The following SOX5 variants were observed in gnomAD, a reference collection of about 807,000 sequenced individuals.
The protein encoded by SOX5 is transcription factor SOX-5.
In SOX5, 9 loss-of-function variants were observed where a neutral mutation model predicts 92.0. The observed-to-expected ratio is 0.10, with a 90% CI of 0.06 to 0.17. The LOEUF (loss-of-function observed/expected upper bound fraction) is 0.17. SOX5 is among the 10% of genes least tolerant of loss of function. The pLI is 1.00. For missense variants in SOX5, 642 were observed against 944.5 expected (o/e 0.68, Z 4.20); for synonymous variants, 344 against 336.3 (o/e 1.02, Z -0.25).
chr12:24,025,355 A>T (rs1463230316), intron 4 of SOX5, among the ~76,000 whole-genome samples: 1 of 152,072 alleles, frequency 6.6e-6, no homozygotes, highest in Non-Finnish European at 1.5e-5. Flanking sequence ...AAACTCATGC[A>T]AAAGGTTTGA....
chr12:24,128,408 T>A (rs1949320055), intron 4 of SOX5, among the ~76,000 whole-genome samples: 1 of 152,108 alleles, frequency 6.6e-6, no homozygotes, highest in African/African-American at 2.4e-5. Flanking sequence ...ACAGTCAAAA[T>A]GATACCAAAT....
chr12:24,172,514 G>T (rs1288978628), intron 4 of SOX5, among the ~76,000 whole-genome samples: 1 of 152,052 alleles, frequency 6.6e-6, no homozygotes, highest in Admixed American at 6.6e-5. Flanking sequence ...ACTCCAGCCT[G>T]GGTGACAGAG....
intron 3 of SOX5, among the ~76,000 whole-genome samples, chr12:23,768,897 C>T (rs184798412): frequency 4.5e-4 from 68 of 152,142 alleles, no homozygotes; most frequent in Admixed American, 3.6e-3. Flanking sequence ...GAAACAAAAA[C>T]GCTATTGTTC....
chr12:24,131,577 T>A (rs1008513862), intron 4 of SOX5, among the ~76,000 whole-genome samples: 2 of 152,206 alleles, frequency 1.3e-5, no homozygotes, highest in Non-Finnish European at 2.9e-5. Flanking sequence ...ACTTTAAATA[T>A]GCAGCATTAA....
chr12:24,159,954 TC>T (rs1193667743), intron 4 of SOX5, among the ~76,000 whole-genome samples: 2 of 151,982 alleles, frequency 1.3e-5, no homozygotes, highest in African/African-American at 4.8e-5. Flanking sequence ...AGGCAAAGCT[TC>T]TCATCTCTGG....
At chr12:23,820,629 G>T (rs1201419599) in intron 3 of SOX5, among the ~76,000 whole-genome samples, 2 of 152,126 alleles carry the variant, frequency 1.3e-5, no homozygotes. Context: ...TCCAATTTCA[G>T]TTTTCTGCAT....
intron 12 of SOX5, among the ~76,000 whole-genome samples, chr12:23,545,679 T>C (rs1942992096): frequency 2.0e-5 from 3 of 151,986 alleles, no homozygotes; most frequent in African/African-American, 7.2e-5. Flanking sequence ...GCTTGACAAA[T>C]AGAAACTTAA....
intron 2 of SOX5, among the ~76,000 whole-genome samples, chr12:24,323,148 A>G (rs1423142575): frequency 6.6e-6 from 1 of 152,010 alleles, no homozygotes; most frequent in Non-Finnish European, 1.5e-5. Flanking sequence ...GGAGGTCATT[A>G]ATCTGTTCTA....
At chr12:24,505,440 T>C (rs1229233495) in intron 1 of SOX5, among the ~76,000 whole-genome samples, 1 of 152,200 alleles carries the variant, frequency 6.6e-6, no homozygotes, top group African/African-American at 2.4e-5. Flanking sequence ...ATGTAACAAT[T>C]GAAAAAAAAT....
chr12:23,758,838 G>C (rs1460762471), intron 3 of SOX5, among the ~76,000 whole-genome samples: 3 of 151,950 alleles, frequency 2.0e-5, no homozygotes, highest in African/African-American at 7.2e-5. Flanking sequence ...TCTGTCTCTC[G>C]TGTGTGCACT....
chr12:24,531,678 A>C (rs1951204829), intron 1 of SOX5, among the ~76,000 whole-genome samples: 1 of 152,196 alleles, frequency 6.6e-6, no homozygotes, highest in African/African-American at 2.4e-5. Flanking sequence ...GAGTGACCCA[A>C]GAAAACAGGT....
chr12:23,823,296 G>T (rs1568073241), intron 3 of SOX5, among the ~76,000 whole-genome samples: 1 of 152,180 alleles, frequency 6.6e-6, no homozygotes, highest in Non-Finnish European at 1.5e-5. Flanking sequence ...AGGAGCTCCA[G>T]TAAGGCAGGC....
At chr12:24,162,648 C>G (rs950150824) in intron 4 of SOX5, among the ~76,000 whole-genome samples, 4 of 152,216 alleles carry the variant, frequency 2.6e-5, no homozygotes, top group African/African-American at 9.6e-5. Context: ...TGAATATTAT[C>G]CTTTATCCTC....
intron 4 of SOX5, among the ~76,000 whole-genome samples, chr12:23,976,939 G>T (rs944322503): frequency 6.6e-6 from 1 of 151,702 alleles, no homozygotes; most frequent in African/African-American, 2.4e-5. Context: ...AGGGAAAGGA[G>T]GAAAGAAAGT....
intron 1 of SOX5, among the ~76,000 whole-genome samples, chr12:24,544,274 A>G (rs895494606): frequency 2.6e-5 from 4 of 152,226 alleles, no homozygotes; most frequent in Non-Finnish European, 5.9e-5. Context: ...GCTTATAAAT[A>G]TTTAAAATTC....
chr12:23,888,709 G>T (rs1031335238), intron 2 of SOX5, among the ~76,000 whole-genome samples: 1 of 152,116 alleles, frequency 6.6e-6, no homozygotes, highest in Non-Finnish European at 1.5e-5. Flanking sequence ...CAAGTATAAT[G>T]ATTGAACCAC....
At chr12:23,551,295 C>T (rs866617985) in intron 11 of SOX5, among the ~76,000 whole-genome samples, 1 of 151,738 alleles carries the variant, frequency 6.6e-6, no homozygotes, top group East Asian at 1.9e-4. Context: ...AATGTCATAA[C>T]GATTTATCAG....
chr12:24,421,319 T>C (rs1023653542), intron 1 of SOX5, among the ~76,000 whole-genome samples: 2 of 152,162 alleles, frequency 1.3e-5, no homozygotes, highest in African/African-American at 2.4e-5. Flanking sequence ...ATGTTCATTA[T>C]AATATGCAAT....
chr12:24,169,676 G>T (rs540314196), intron 4 of SOX5, among the ~76,000 whole-genome samples: 1 of 152,320 alleles, frequency 6.6e-6, no homozygotes, highest in African/African-American at 2.4e-5. Flanking sequence ...AGTATTAAAA[G>T]TGTAGTGGCT....
Sources: gnomAD v4.1 joint callset for allele counts (sites outside exome capture counted in the v4.1 genomes callset) on GRCh38, gnomAD v4.1.1 for gene constraint, MANE v1.5 for transcripts, NCBI Gene and HGNC (gene_info 2026-07-23, HGNC 2026-07-21) for gene names.